Variants in ANKFN1 observed in about 807,000 individuals in gnomAD.
ANKFN1 encodes the protein ankyrin repeat and fibronectin type III domain containing 1.
A neutral mutation model predicts 108.7 loss-of-function variants in ANKFN1; 74 were observed. The observed-to-expected ratio is 0.68, with a 90% CI of 0.56 to 0.83. The LOEUF is 0.83. Among genes scored for constraint, ANKFN1 ranks in the 40% least tolerant of loss-of-function variants. ANKFN1 has a pLI of 0.00. For synonymous variants in ANKFN1, 547 were observed against 516.2 expected (o/e 1.06, Z -0.81); for missense variants, 1,505 against 1,382.3 (o/e 1.09, Z -1.41).
intron 17 of ANKFN1, 73 bp from the exon 18 acceptor site, chr17:56,482,283 C>A: frequency 7.6e-7 from 1 of 1,323,124 alleles, no homozygotes; most frequent in African/African-American, 1.5e-5. Context: ...ATGTTTTATG[C>A]CAGTTTGGTG....
chr17:56,205,182 C>T (rs942855077), intron 1 of ANKFN1, among the ~76,000 whole-genome samples: 34 of 152,182 alleles, frequency 2.2e-4, no homozygotes, highest in African/African-American at 8.2e-4. Context: ...GCTTGCAAAT[C>T]ACTGTGATTT....
intron 4 of ANKFN1, among the ~76,000 whole-genome samples, chr17:56,048,963 G>A (rs1441927534): frequency 6.6e-6 from 1 of 152,210 alleles, no homozygotes; most frequent in Non-Finnish European, 1.5e-5. Flanking sequence ...AAAATAACAT[G>A]TCTTATAGTT....
chr17:56,226,403 C>T (rs1397653377), intron 2 of ANKFN1, among the ~76,000 whole-genome samples: 2 of 152,092 alleles, frequency 1.3e-5, no homozygotes, highest in African/African-American at 4.8e-5. Flanking sequence ...TTTGTCAATC[C>T]ATGAGCCCCA....
intron 3 of ANKFN1, among the ~76,000 whole-genome samples, chr17:56,281,220 C>T (rs1196704388): frequency 6.6e-6 from 1 of 150,958 alleles, no homozygotes; most frequent in East Asian, 1.9e-4. Flanking sequence ...GATGAGTAGG[C>T]CAATAGAGAA....
intron 4 of ANKFN1, among the ~76,000 whole-genome samples, chr17:56,330,874 T>C (rs1419336338): frequency 6.6e-6 from 1 of 152,194 alleles, no homozygotes; most frequent in African/African-American, 2.4e-5. Context: ...TCAAAAATAG[T>C]GTTCCTCTTG....
chr17:56,121,409 G>A (rs544449239), intron 4 of ANKFN1, among the ~76,000 whole-genome samples: 1 of 152,224 alleles, frequency 6.6e-6, no homozygotes, highest in South Asian at 2.1e-4. Flanking sequence ...TGTTAGTCAT[G>A]TAATGCCTTG....
intron 6 of ANKFN1, among the ~76,000 whole-genome samples, chr17:56,371,894 A>G (rs2046821027): frequency 6.6e-6 from 1 of 152,220 alleles, no homozygotes; most frequent in Admixed American, 6.5e-5. Flanking sequence ...TAGAAATAGC[A>G]AGCTCTACAA....
chr17:56,474,150 A>G (rs1202689115), intron 15 of ANKFN1, among the ~76,000 whole-genome samples: 3 of 152,218 alleles, frequency 2.0e-5, no homozygotes, highest in Admixed American at 6.5e-5. Context: ...TTCTTTGTCC[A>G]GAATGTCAAT....
At chr17:56,275,704 A>G (rs904292585) in intron 3 of ANKFN1, among the ~76,000 whole-genome samples, 1 of 152,166 alleles carries the variant, frequency 6.6e-6, no homozygotes, top group Non-Finnish European at 1.5e-5. Context: ...TAGTCTTGAA[A>G]ACATTGGGGA....
At chr17:56,267,093 C>T (rs1338243565) in intron 3 of ANKFN1, among the ~76,000 whole-genome samples, 1 of 152,124 alleles carries the variant, frequency 6.6e-6, no homozygotes, top group East Asian at 1.9e-4. Flanking sequence ...CTCAAGTAGG[C>T]CCCAGTGTCC....
intron 3 of ANKFN1, among the ~76,000 whole-genome samples, chr17:56,233,276 A>G (rs1342215230): frequency 1.3e-5 from 2 of 152,140 alleles, no homozygotes; most frequent in Non-Finnish European, 2.9e-5. Context: ...TTCAACTAAT[A>G]ATTTTATTAT....
At chr17:56,188,577 GTGTGTATATATATATA>G (rs1912513517) in intron 1 of ANKFN1, among the ~76,000 whole-genome samples, 7 of 80,800 alleles carry the variant, frequency 8.7e-5, no homozygotes, top group South Asian at 7.3e-4. Flanking sequence ...GTGTGTGTGT[GTGTGTATATATATATA>G]TATATATATA....
chr17:56,121,530 G>C (rs1239907007), intron 4 of ANKFN1, among the ~76,000 whole-genome samples: 2 of 151,834 alleles, frequency 1.3e-5, no homozygotes, highest in Non-Finnish European at 2.9e-5. Context: ...GGGGACTTTT[G>C]CTCTCTTGTG....
rs114111506 is a variant in ANKFN1 at position 56,223,273 on chromosome 17, C to T, written c.13-4644C>T. On this transcript the variant is annotated intron_variant, in intron 2 of 20. Transcript: ENST00000682825. ...TGGAAAACGGGGGTGTTGGGCAAAG[C>T]GTTCACTTCTTTGTGTGCTTCAAAA... Among the ~76,000 whole-genome samples, 1,108 of 152,262 alleles carry T rather than the reference C, an allele frequency of 7.3e-3. 7 individuals are homozygous for T. The highest frequency in any genetic ancestry group is 0.025 in the African/African-American group (1,047 of 41,540).
At chr17:56,179,533 G>A (rs72831981) in intron 1 of ANKFN1, among the ~76,000 whole-genome samples, 7,278 of 152,276 alleles carry the variant, frequency 0.048, 196 homozygotes, top group Middle Eastern at 0.086. Flanking sequence ...GCCATTTGTA[G>A]GGCAGCAGAA....
At chr17:56,390,882 C>T (rs1242115310) in intron 8 of ANKFN1, among the ~76,000 whole-genome samples, 1 of 151,986 alleles carries the variant, frequency 6.6e-6, no homozygotes, top group Non-Finnish European at 1.5e-5. Context: ...CTAGACCAGG[C>T]CTATCATAAG....
At chr17:56,268,043 A>G (rs1330336332) in intron 3 of ANKFN1, among the ~76,000 whole-genome samples, 1 of 152,162 alleles carries the variant, frequency 6.6e-6, no homozygotes, top group Non-Finnish European at 1.5e-5. Flanking sequence ...AAAACTAACA[A>G]AGATATTCAG....
At chr17:56,409,633 C>G (rs976908035) in intron 8 of ANKFN1, among the ~76,000 whole-genome samples, 13 of 152,188 alleles carry the variant, frequency 8.5e-5, no homozygotes, top group Admixed American at 7.9e-4. Flanking sequence ...TAATCAGCAT[C>G]TCTTTAACTG....
intron 4 of ANKFN1, among the ~76,000 whole-genome samples, chr17:56,052,023 C>G (rs995685185): frequency 2.1e-5 from 3 of 145,418 alleles, no homozygotes; most frequent in Admixed American, 6.9e-5. Flanking sequence ...CAATGCCATC[C>G]CCATCAAGCT....
Sources: gnomAD v4.1 joint callset for allele counts (sites outside exome capture counted in the v4.1 genomes callset) on GRCh38, gnomAD v4.1.1 for gene constraint, MANE v1.5 for transcripts, NCBI Gene and HGNC (gene_info 2026-07-23, HGNC 2026-07-21) for gene names.